Variants in DLG2 observed in about 807,000 individuals in gnomAD.
DLG2 encodes the protein disks large homolog 2.
Under a neutral mutation model 132.5 loss-of-function variants are expected in DLG2, and 45 were observed. That is an observed-to-expected ratio of 0.34 (90% CI 0.27 to 0.44). DLG2 has a LOEUF of 0.44. DLG2 is among the 20% of genes least tolerant of loss of function. The probability of loss-of-function intolerance (pLI) is 1.00; values close to 1 mark genes in which losing one functional copy is unlikely to be tolerated. For missense variants in DLG2, 1,045 were observed against 1,196.9 expected (o/e 0.87, Z 1.87); for synonymous variants, 424 against 419.6 (o/e 1.01, Z -0.13).
At position 85,604,633 on chromosome 11, in the gene DLG2, G is replaced by GAA. The variant is rs1349936890; in HGVS notation, c.-92-5847_-92-5846dup. ...CTTCATAAGACTCCTGAGTCTACAG[G>GAA]AAAAAAAAAAAGCTAAATTTGGATT... On this transcript the variant is annotated intron_variant, in intron 2 of 27. Coordinates refer to ENST00000376104, the MANE Select transcript of DLG2 (RefSeq NM_001142699.3). Among the ~76,000 whole-genome samples, 1,403 of 144,142 alleles carry GAA rather than the reference G, an allele frequency of 9.7e-3. 16 individuals carry two copies. The highest frequency in any genetic ancestry group is 0.033 in the African/African-American group (1,311 of 39,604). 94.6% of individuals were successfully genotyped at this position (144,142 alleles called of 152,430 possible).
chr11:83,725,185 T>A (rs764363942), intron 18 of DLG2: 6 of 371,480 alleles, frequency 1.6e-5, no homozygotes, highest in Non-Finnish European at 3.0e-5. Flanking sequence ...TTTCTTTCTC[T>A]TCTCAGTTAA....
chr11:84,142,072 G>C (rs191209620), intron 9 of DLG2, among the ~76,000 whole-genome samples: 2 of 152,122 alleles, frequency 1.3e-5, no homozygotes, highest in East Asian at 3.9e-4. Flanking sequence ...GGGAGGCCGA[G>C]GCAGGTGGAT....
intron 11 of DLG2, among the ~76,000 whole-genome samples, chr11:83,998,787 C>T (rs891984107): frequency 6.6e-6 from 1 of 152,170 alleles, no homozygotes; most frequent in East Asian, 1.9e-4. Flanking sequence ...CTGCCCCCAA[C>T]AGTCTGTGTA....
At chr11:84,655,360 G>C (rs1024767223) in intron 6 of DLG2, among the ~76,000 whole-genome samples, 1 of 152,132 alleles carries the variant, frequency 6.6e-6, no homozygotes, top group Non-Finnish European at 1.5e-5. Flanking sequence ...CTTTAATGTT[G>C]AGCAGCCTGC....
intron 3 of DLG2, among the ~76,000 whole-genome samples, chr11:85,398,890 A>C (rs1327215436): frequency 6.6e-6 from 1 of 152,174 alleles, no homozygotes; most frequent in South Asian, 2.1e-4. Flanking sequence ...TATTTCAATC[A>C]ATAGAAAAAG....
At chr11:85,397,750 C>G (rs1348963068) in intron 3 of DLG2, among the ~76,000 whole-genome samples, 6 of 152,066 alleles carry the variant, frequency 3.9e-5, no homozygotes, top group Non-Finnish European at 8.8e-5. Flanking sequence ...TATATGCGCC[C>G]AATACAGGAG....
intron 6 of DLG2, among the ~76,000 whole-genome samples, chr11:84,732,887 G>C (rs1430347207): frequency 6.6e-6 from 1 of 151,216 alleles, no homozygotes; most frequent in African/African-American, 2.4e-5. Flanking sequence ...GAGAACATGT[G>C]ATGTTTGGTT....
intron 3 of DLG2, chr11:85,509,892 T>A (rs1241729588): frequency 6.6e-6 from 1 of 151,990 alleles, no homozygotes; most frequent in Non-Finnish European, 1.5e-5. Flanking sequence ...GAATGCTTCA[T>A]TGAAGAAATG....
intron 6 of DLG2, among the ~76,000 whole-genome samples, chr11:84,844,492 A>G (rs2081224697): frequency 6.6e-6 from 1 of 151,696 alleles, no homozygotes; most frequent in African/African-American, 2.4e-5. Flanking sequence ...TTCTCTCTGG[A>G]TCATTTCTAT....
intron 19 of DLG2, among the ~76,000 whole-genome samples, chr11:83,567,129 G>A (rs753373309): frequency 1.5e-4 from 23 of 151,980 alleles, no homozygotes; most frequent in Non-Finnish European, 3.2e-4. Context: ...CTTAAGTTTC[G>A]GGTGACTCGT....
chr11:85,021,202 C>T, intron 6 of DLG2: 1 of 1,118,280 alleles, frequency 8.9e-7, no homozygotes, highest in Non-Finnish European at 1.4e-6. Flanking sequence ...TGAGTTGTTT[C>T]CTGATACACA....
intron 11 of DLG2, among the ~76,000 whole-genome samples, chr11:83,993,202 ATG>A (rs1223075739): frequency 1.3e-5 from 2 of 152,192 alleles, no homozygotes; most frequent in African/African-American, 4.8e-5. Flanking sequence ...AAAATAGACT[ATG>A]TTAGCACAGT....
At chr11:84,507,054 A>G (rs2154513222) in intron 7 of DLG2, among the ~76,000 whole-genome samples, 1 of 152,354 alleles carries the variant, frequency 6.6e-6, no homozygotes, top group East Asian at 1.9e-4. Flanking sequence ...AAATTTGCCA[A>G]TAAAATTTTC....
chr11:84,084,597 G>A (rs1207803062), intron 10 of DLG2, among the ~76,000 whole-genome samples: 5 of 152,132 alleles, frequency 3.3e-5, no homozygotes, highest in African/African-American at 1.2e-4. Flanking sequence ...TTCTCTCCTT[G>A]ACCAAACTTT....
chr11:84,001,317 T>C (rs1019160462), intron 11 of DLG2, among the ~76,000 whole-genome samples: 1 of 124,594 alleles, frequency 8.0e-6, no homozygotes, highest in Non-Finnish European at 1.8e-5. Context: ...TAAAACAGAC[T>C]TCAAGTAAAA....
chr11:84,943,157 T>G lies in DLG2; in HGVS notation c.357+168504A>C, dbSNP rs541819259. On this transcript the variant is annotated intron_variant, in intron 6 of 27. Transcript: ENST00000376104. The stretch of plus-strand genomic sequence containing the variant: ...GTAGGCCACAGATTTTTGGGTCGTG[T>G]GTGTGTGTGCGTGTGTGTGTGTGTG... Among the ~76,000 whole-genome samples the G allele has an allele frequency of 5.1e-4, 71 of 139,504 alleles. No individual in the cohort carries two copies. In the South Asian group the frequency reaches 0.011, roughly 22 times the overall value. 91.5% of individuals were successfully genotyped at this position (139,504 alleles called of 152,430 possible).
rs865946306 is a variant in DLG2, at chr11:84,040,046, C to T, written c.919+19269G>A. ...TTGAGAAGTGTCTGTTCATGTCCTT[C>T]GCCCACTTTTTGATAGGGTTGTTTG... On this transcript the variant is annotated intron_variant, in intron 11 of 27. Coordinates refer to ENST00000376104, the MANE Select transcript of DLG2 (RefSeq NM_001142699.3). 2.3e-3 allele frequency among the ~76,000 whole-genome samples: 349 copies of T among 151,768 alleles called. 4 individuals carry two copies. In the Middle Eastern group the frequency reaches 0.055, roughly 24 times the overall value.
intron 6 of DLG2, among the ~76,000 whole-genome samples, chr11:84,784,955 C>T (rs1188311554): frequency 6.6e-6 from 1 of 152,048 alleles, no homozygotes; most frequent in African/African-American, 2.4e-5. Context: ...AAAGTATTCT[C>T]ATCACAGAAA....
At chr11:85,392,699 A>G (rs1445174329) in intron 3 of DLG2, among the ~76,000 whole-genome samples, 1 of 152,106 alleles carries the variant, frequency 6.6e-6, no homozygotes, top group African/African-American at 2.4e-5. Flanking sequence ...TCAACAAAGC[A>G]GACAAAATCA....
Sources: allele counts gnomAD v4.1 joint callset (sites outside exome capture counted in the v4.1 genomes callset), GRCh38; gene constraint gnomAD v4.1.1; transcripts MANE v1.5; gene names NCBI Gene and HGNC (gene_info 2026-07-23, HGNC 2026-07-21).